The following CHD6 variants were observed in gnomAD, a reference collection of about 807,000 sequenced individuals.
CHD6 encodes ATP-dependent chromatin remodeler CHD6.
Under a neutral mutation model 276.9 loss-of-function variants are expected in CHD6, and 50 were observed. The observed-to-expected ratio is 0.18, with a 90% CI of 0.14 to 0.23. CHD6 has a LOEUF of 0.23. Among genes scored for constraint, CHD6 ranks in the 10% least tolerant of loss-of-function variants. The pLI, the probability that CHD6 is intolerant of heterozygous loss-of-function variation, is 1.00. For synonymous variants in CHD6, 1,173 were observed against 1,229.3 expected (o/e 0.95, Z 0.96); for missense variants, 2,564 against 3,365.8 (o/e 0.76, Z 5.89).
chr20:41,473,517 T>C lies in CHD6; in HGVS notation c.2469A>G (p.Arg823=). Residue 823 remains arginine (R), a splice_region_variant and synonymous_variant, in exon 17 of 37, where the codon AGA becomes AGG. Coordinates refer to ENST00000373233, the MANE Select transcript of CHD6 (RefSeq NM_032221.5). The surrounding 1 kb of genome is among the most constrained non-coding windows in gnomAD (Gnocchi z 4.1). ...DILEDYLIQR[R]YTYERIDGRV... ...GCCCATCAATTCGCTCATAGGTGTA[T>C]CTGAGGGGACCCAAATGAACGAAAG... is the stretch of plus-strand genomic sequence containing the variant. 6.2e-7 allele frequency: 1 copy of C among 1,613,516 alleles called. No homozygotes were observed. The highest frequency in any genetic ancestry group is 8.5e-7 in the Non-Finnish European group (1 of 1,179,530).
At chr20:41,557,225 C>T (rs918664058) in intron 1 of CHD6, among the ~76,000 whole-genome samples, 4 of 152,202 alleles carry the variant, frequency 2.6e-5, no homozygotes, top group Non-Finnish European at 4.4e-5. Context: ...CTCCTTGCTG[C>T]ATTATGTATG....
At chr20:41,587,472 G>A (rs1366154249) in intron 1 of CHD6, among the ~76,000 whole-genome samples, 1 of 152,186 alleles carries the variant, frequency 6.6e-6, no homozygotes, top group Non-Finnish European at 1.5e-5. Flanking sequence ...TTTCCTTTCA[G>A]TAGAGGGTCT....
chr20:41,446,417 G>A (rs1361196894), intron 24 of CHD6, among the ~76,000 whole-genome samples: 4 of 145,150 alleles, frequency 2.8e-5, no homozygotes, highest in African/African-American at 1.1e-4. Flanking sequence ...CAGACATGCA[G>A]GTGTTAGCCC....
Position 41,426,135 on chromosome 20 carries a change from C to T in CHD6, c.4087G>A (p.Gly1363Ser). Residue 1363 changes from glycine to serine, a missense_variant, in exon 28 of 37, where the codon GGT becomes AGT. By Grantham distance (56) the Gly-to-Ser change is moderately conservative. This residue lies in a region of CHD6 where 515 missense variants were observed against 739.5 expected (regional missense o/e 0.70). Coordinates refer to ENST00000373233, the MANE Select transcript of CHD6 (RefSeq NM_032221.5). ...QKQTESSSDG[G>S]DGVFSEKKDD... ...TTCTTTTCGCTAAAAACGCCATCAC[C>T]TCCATCACTGGAACTCTCCTAGGGA... 6.2e-7 allele frequency: 1 copy of T among 1,613,472 alleles called. No homozygotes were observed. The highest frequency in any genetic ancestry group is 8.5e-7 in the Non-Finnish European group (1 of 1,179,386).
At chr20:41,493,501 T>C in intron 10 of CHD6, 37 bp downstream of exon 10, 1 of 1,600,790 alleles carries the variant, frequency 6.2e-7, no homozygotes, top group Non-Finnish European at 8.5e-7. Context: ...AAATTACATG[T>C]TCCGAGAAGT....
intron 3 of CHD6, among the ~76,000 whole-genome samples, 159 bp downstream of exon 3, chr20:41,532,891 A>C (rs1236851586): frequency 1.3e-5 from 2 of 152,226 alleles, no homozygotes; most frequent in Non-Finnish European, 2.9e-5. Flanking sequence ...CATTAGCACC[A>C]AGGGGTTACC....
At chr20:41,600,652 A>G (rs1194146493) in intron 1 of CHD6, among the ~76,000 whole-genome samples, 1 of 152,224 alleles carries the variant, frequency 6.6e-6, no homozygotes, top group Non-Finnish European at 1.5e-5. Context: ...CCATCCAAAC[A>G]TCAATGCTCA....
At chr20:41,513,199 C>A (rs1287381227) in intron 4 of CHD6, among the ~76,000 whole-genome samples, 5 of 152,130 alleles carry the variant, frequency 3.3e-5, no homozygotes, top group Admixed American at 3.3e-4. Flanking sequence ...AGAACAAAAG[C>A]TCAATCTCCA....
chr20:41,494,483 C>G (rs961528895), intron 8 of CHD6, among the ~76,000 whole-genome samples: 16 of 152,154 alleles, frequency 1.1e-4, no homozygotes, highest in African/African-American at 2.9e-4. Context: ...CAACAAGAAG[C>G]AACATATAGA....
Position 41,421,486 on chromosome 20 carries a change from G to A in CHD6, c.5149C>T (p.Pro1717Ser). ...CTTGGGCTCTCCTGAAAAGAGCTTG[G>A]TTCTTGGCTGAGCACCTTCTTACCA... is the stretch of plus-strand genomic sequence containing the variant. ...MYGKKVLSQE[P>S]SSFQESPSTN... The change falls in exon 31 of 37, where the codon CCA becomes TCA. Residue 1717 changes from proline to serine, a missense_variant. Pro to Ser is a moderately conservative substitution (Grantham distance 74, BLOSUM62 -1). This residue lies in a region of CHD6 where 1,024 missense variants were observed against 1,047.9 expected (regional missense o/e 0.98). Transcript: ENST00000373233. The A allele has an allele frequency of 6.2e-7, 1 of 1,613,744 alleles. No individual in the cohort carries two copies. Among genetic ancestry groups the A allele is most frequent in the African/African-American group, 1.3e-5 (1 of 75,000 alleles).
intron 1 of CHD6, among the ~76,000 whole-genome samples, chr20:41,559,147 G>GACACACACACACACACAC (rs58169591): frequency 1.6e-4 from 23 of 148,270 alleles, no homozygotes; most frequent in Middle Eastern, 3.6e-3. Context: ...GCCTGTTCCT[G>GACACACACACACACACAC]ACACACACAC....
chr20:41,405,028 G>A lies in CHD6; in HGVS notation c.7713C>T (p.Asp2571=), dbSNP rs1311750189. The A allele has an allele frequency of 3.1e-6, 5 of 1,614,108 alleles. No individual in the cohort carries two copies. The South Asian group carries it at 3.3e-5, about 11-fold the overall frequency. The change falls in exon 37 of 37, where the codon GAC becomes GAT. Residue 2571 remains aspartate, a synonymous_variant. Transcript: ENST00000373233. The part of the protein sequence containing the change: ...GTAVTEKTAE[D]KPSSHDVKTD... ...TTTTCACATCATGGCTACTCGGCTTGTCTTCCGCAGTCTTTTCAGTCACTG... is the reference window on the plus strand; with the variant it reads ...TTTTCACATCATGGCTACTCGGCTTATCTTCCGCAGTCTTTTCAGTCACTG...
intron 1 of CHD6, among the ~76,000 whole-genome samples, chr20:41,569,590 A>G (rs4239692): frequency 0.38 from 57,865 of 151,904 alleles, 13,691 homozygotes; most frequent in African/African-American, 0.65. Context: ...CAATATCCAG[A>G]TCAAAAAGTA....
chr20:41,405,223 T>C lies in CHD6; in HGVS notation c.7518A>G (p.Pro2506=), dbSNP rs755261538. Residue 2506 remains proline (P), a synonymous_variant, in exon 37 of 37, where the codon CCA becomes CCG. Transcript: ENST00000373233. The stretch of plus-strand genomic sequence containing the variant: ...GGGTACTTTTGACCTCTTCACCTGT[T>C]GGCATCGTGGCAAAGCCAGCTGGAA... ...VGFPAGFATM[P]TGEEVKSTLS... 1 of 1,614,186 alleles carries C rather than the reference T, an allele frequency of 6.2e-7. No individual in the cohort carries two copies. The highest frequency in any genetic ancestry group is 1.7e-5 in the Admixed American group (1 of 60,028).
chr20:41,421,492 G>C lies in CHD6; in HGVS notation c.5143C>G (p.Gln1715Glu). Residue 1715 changes from glutamine to glutamate, a missense_variant, in exon 31 of 37, where the codon CAA becomes GAA. Coordinates refer to ENST00000373233, the MANE Select transcript of CHD6 (RefSeq NM_032221.5). ...SMMYGKKVLSQEPSSFQESPS... is the reference protein window; with the variant it reads ...SMMYGKKVLSEEPSSFQESPS... ...CTCTCCTGAAAAGAGCTTGGTTCTTGGCTGAGCACCTTCTTACCATACATC... is the reference window on the plus strand; with the variant it reads ...CTCTCCTGAAAAGAGCTTGGTTCTTCGCTGAGCACCTTCTTACCATACATC... 1 of 1,613,482 alleles carries C rather than the reference G, an allele frequency of 6.2e-7. No homozygotes were observed. Among genetic ancestry groups the C allele is most frequent in the Admixed American group, 1.7e-5 (1 of 59,930 alleles).
chr20:41,595,171 C>T (rs541984484), intron 1 of CHD6, among the ~76,000 whole-genome samples: 6 of 152,248 alleles, frequency 3.9e-5, no homozygotes, highest in South Asian at 4.1e-4. Flanking sequence ...CTCTCAGCAA[C>T]GCAGGAGGAA....
chr20:41,468,391 T>C (rs2042978222), intron 17 of CHD6, among the ~76,000 whole-genome samples: 1 of 152,194 alleles, frequency 6.6e-6, no homozygotes, highest in Admixed American at 6.5e-5. Flanking sequence ...ATTACAGGCA[T>C]GAGCCACCGC....
intron 1 of CHD6, among the ~76,000 whole-genome samples, chr20:41,607,713 G>A (rs1186425649): frequency 6.6e-6 from 1 of 150,760 alleles, no homozygotes; most frequent in Non-Finnish European, 1.5e-5. Context: ...CCAAGAGGGA[G>A]GGGCAGAAAA....
intron 36 of CHD6, among the ~76,000 whole-genome samples, chr20:41,406,435 G>A (rs1344390636): frequency 1.3e-5 from 2 of 152,228 alleles, no homozygotes; most frequent in African/African-American, 4.8e-5. Context: ...TGGCTGAGCT[G>A]CACAGAATCC....
Sources: allele counts gnomAD v4.1 joint callset (sites outside exome capture counted in the v4.1 genomes callset), GRCh38; gene constraint gnomAD v4.1.1; regional missense constraint gnomAD v4.1.1; non-coding constraint Gnocchi (gnomAD v3.1); transcripts MANE v1.5; gene names NCBI Gene and HGNC (gene_info 2026-07-23, HGNC 2026-07-21).